The following BRINP2 variants were observed in gnomAD, a reference collection of about 807,000 sequenced individuals.
BRINP2 encodes the protein BMP/retinoic acid-inducible neural-specific protein 2.
A neutral mutation model predicts 69.2 loss-of-function variants in BRINP2; 21 were observed. That is an observed-to-expected ratio of 0.30 (90% confidence interval 0.22 to 0.44). The LOEUF (loss-of-function observed/expected upper bound fraction) is 0.44, where lower values mean the gene tolerates loss of function less well. Among genes scored for constraint, BRINP2 ranks in the 20% least tolerant of loss-of-function variants. The pLI is 1.00. For synonymous variants in BRINP2, 380 were observed against 394.1 expected, an observed-to-expected ratio of 0.96 and a Z score of 0.42; for missense variants, 877 against 986.0, an observed-to-expected ratio of 0.89 and a Z score of 1.48.
chr1:177,237,433 A>G (rs1211086105), intron 2 of BRINP2, among the ~76,000 whole-genome samples: 2 of 152,218 alleles, frequency 1.3e-5, no homozygotes, highest in African/African-American at 4.8e-5. Context: ...GATTTGGTCT[A>G]TGGATGCTGT....
At chr1:177,241,060 C>G (rs1054040394) in intron 2 of BRINP2, among the ~76,000 whole-genome samples, 1 of 152,112 alleles carries the variant, frequency 6.6e-6, no homozygotes, top group Non-Finnish European at 1.5e-5. Context: ...TAAACTCCGC[C>G]TCCCGGGTTC....
Position 177,171,330 on chromosome 1 carries a change from A to C in BRINP2, c.-479A>C, listed in dbSNP as rs946248001. Among the ~76,000 whole-genome samples the C allele has an allele frequency of 1.3e-5, 2 of 152,126 alleles. No individual in the cohort carries two copies. The highest frequency in any genetic ancestry group is 4.8e-5 in the African/African-American group (2 of 41,432). On this transcript the variant is annotated 5_prime_UTR_variant, in exon 1 of 8. Coordinates refer to ENST00000361539, the MANE Select transcript of BRINP2 (RefSeq NM_021165.4). ...GGGGACTCCCCCAGTTGGGTCTTGCACTTCCCTTACCTCTCCCACCCCGCG... is the reference window on the plus strand; with the variant it reads ...GGGGACTCCCCCAGTTGGGTCTTGCCCTTCCCTTACCTCTCCCACCCCGCG...
At chr1:177,209,794 CATA>C (rs1310801654) in intron 1 of BRINP2, among the ~76,000 whole-genome samples, 4 of 152,016 alleles carry the variant, frequency 2.6e-5, no homozygotes, top group Admixed American at 6.5e-5. Flanking sequence ...AAAGAGTATT[CATA>C]ATACCTTGTT....
chr1:177,203,828 T>G (rs1157585074), intron 1 of BRINP2, among the ~76,000 whole-genome samples: 1 of 152,176 alleles, frequency 6.6e-6, no homozygotes, highest in East Asian at 1.9e-4. Context: ...CAAACAAATA[T>G]GTACAATCAT....
rs571299930 is a variant in BRINP2, at chr1:177,256,123, C to T, written c.460+14C>T. 13 of 1,611,302 alleles carry T rather than the reference C, an allele frequency of 8.1e-6. No individual in the cohort carries two copies. The highest frequency in any genetic ancestry group is 1.7e-4 in the Middle Eastern group (1 of 6,052). On this transcript the variant is annotated intron_variant, in intron 3 of 7. Transcript: ENST00000361539. ...CCACCCTTGGAGGTAAGCAACATCA[C>T]AATCCCAAGCTAATTGGTTGCCAGA...
rs80236193 is a variant in BRINP2 at position 177,193,224 on chromosome 1, G to A, written c.-77+21492G>A. The stretch of plus-strand genomic sequence containing the variant: ...TATTTCACCTACCCTACAGTCAGAA[G>A]CCACGAGCATGTGATGGGTGAAGGG... On this transcript the variant is annotated intron_variant, in intron 1 of 7. Transcript: ENST00000361539. 1.2e-3 allele frequency among the ~76,000 whole-genome samples: 187 copies of A among 152,298 alleles called. 1 individual carries two copies. The highest frequency in any genetic ancestry group is 3.4e-3 in the Middle Eastern group (1 of 294).
rs770852184 is a variant in BRINP2, at chr1:177,273,517, C to A, written c.699C>A (p.Gly233=). 1.9e-6 allele frequency: 3 copies of A among 1,611,362 alleles called. No homozygotes were observed. The highest frequency in any genetic ancestry group is 2.5e-6 in the Non-Finnish European group (3 of 1,178,656). The change falls in exon 5 of 8, where the codon GGC becomes GGA. Residue 233 remains glycine, a synonymous_variant. Transcript: ENST00000361539. ...KVTETRTGPL[G]CSNYDNLDSV... ...CCGAGACCAGGACCGGTCCTCTGGG[C>A]TGCAGCAACTATGACAATCTGGACT...
At chr1:177,189,546 T>G (rs1344686553) in intron 1 of BRINP2, among the ~76,000 whole-genome samples, 1 of 152,172 alleles carries the variant, frequency 6.6e-6, no homozygotes, top group Non-Finnish European at 1.5e-5. Flanking sequence ...TTGTTACAGA[T>G]CCAAACAATC....
Position 177,281,010 on chromosome 1 carries a change from G to C in BRINP2, c.1834G>C (p.Asp612His), listed in dbSNP as rs760459965. The change falls in exon 8 of 8, where the codon GAC becomes CAC. Residue 612 changes from aspartate (D) to histidine (H), a missense_variant. Asp to His is a moderately conservative substitution (Grantham distance 81, BLOSUM62 -1). Coordinates refer to ENST00000361539, the MANE Select transcript of BRINP2 (RefSeq NM_021165.4). ...FMPVNEGSFPDWERTNVDAAA... is the reference protein window; with the variant it reads ...FMPVNEGSFPHWERTNVDAAA... ...GCCTGTGAATGAGGGCAGCTTTCCT[G>C]ACTGGGAAAGGACTAACGTGGATGC... 6.2e-7 allele frequency: 1 copy of C among 1,614,168 alleles called. No homozygotes were observed. The highest frequency in any genetic ancestry group is 8.5e-7 in the Non-Finnish European group (1 of 1,180,020).
intron 1 of BRINP2, among the ~76,000 whole-genome samples, chr1:177,200,163 A>C (rs1389196136): frequency 2.0e-5 from 3 of 151,688 alleles, no homozygotes; most frequent in Non-Finnish European, 4.4e-5. Context: ...GTGGTGGTAC[A>C]TGCCTGTGAT....
intron 1 of BRINP2, among the ~76,000 whole-genome samples, chr1:177,203,986 C>A (rs945872009): frequency 6.6e-6 from 1 of 152,142 alleles, no homozygotes; most frequent in Non-Finnish European, 1.5e-5. Flanking sequence ...AGGGGACAGA[C>A]CCCGCATAGG....
At position 177,229,689 on chromosome 1, in the gene BRINP2, T is replaced by C. The variant is rs960502272; in HGVS notation, c.-76-112T>C. 1.6e-5 allele frequency: 11 copies of C among 703,434 alleles called. No individual in the cohort carries two copies. The South Asian group carries it at 2.4e-4, about 15-fold the overall frequency. 43.6% of individuals were successfully genotyped at this position (703,434 alleles called of 1,614,324 possible). A position where few individuals can be genotyped will look rare whatever the true frequency, so the allele number is the denominator to read the frequency against. The stretch of plus-strand genomic sequence containing the variant: ...TAGCTAAATGCCGAGAACGAAGTTA[T>C]GTTACTAGCATAAAGGATTTCCGGA... On this transcript the variant is annotated intron_variant, in intron 1 of 7. Coordinates refer to ENST00000361539, the MANE Select transcript of BRINP2 (RefSeq NM_021165.4).
rs1165986331 is a variant in BRINP2, at chr1:177,278,859, C to T, written c.1235+74C>T. 4.1e-6 allele frequency: 6 copies of T among 1,452,974 alleles called. No homozygotes were observed. In the African/African-American group the frequency reaches 4.2e-5, roughly 10 times the overall value. 90.0% of individuals were successfully genotyped at this position (1,452,974 alleles called of 1,614,324 possible). A position where few individuals can be genotyped will look rare whatever the true frequency, so the allele number is the denominator to read the frequency against. On this transcript the variant is annotated intron_variant, in intron 7 of 7. Transcript: ENST00000361539. ...AGCTGCTGAGGCCAAGGAGAACCCTCTGTCCAATGTAGGGGATCAGGGAGT... is the reference window on the plus strand; with the variant it reads ...AGCTGCTGAGGCCAAGGAGAACCCTTTGTCCAATGTAGGGGATCAGGGAGT...
intron 1 of BRINP2, among the ~76,000 whole-genome samples, chr1:177,215,944 C>T (rs1035187892): frequency 1.3e-5 from 2 of 152,040 alleles, no homozygotes; most frequent in African/African-American, 4.8e-5. Context: ...ATCACTGCCC[C>T]TTCTGTCCAA....
At chr1:177,241,838 C>T (rs1051625872) in intron 2 of BRINP2, among the ~76,000 whole-genome samples, 1 of 152,202 alleles carries the variant, frequency 6.6e-6, no homozygotes, top group African/African-American at 2.4e-5. Flanking sequence ...CACCTCAGGA[C>T]ACAGGGTGAC....
At chr1:177,242,513 T>A (rs1243523603) in intron 2 of BRINP2, among the ~76,000 whole-genome samples, 1 of 152,150 alleles carries the variant, frequency 6.6e-6, no homozygotes, top group African/African-American at 2.4e-5. Flanking sequence ...CAAAAGCTCT[T>A]TATCTCCTCT....
In BRINP2 at chr1:177,281,898, A is replaced by G. The variant is rs565979661; in HGVS notation, c.*370A>G. 3 of 171,722 alleles carry G rather than the reference A, an allele frequency of 1.7e-5. No individual in the cohort carries two copies. Among genetic ancestry groups the G allele is most frequent in the African/African-American group, 7.1e-5 (3 of 42,208 alleles). 10.6% of individuals were successfully genotyped at this position (171,722 alleles called of 1,614,324 possible). On this transcript the variant is annotated 3_prime_UTR_variant, in exon 8 of 8. Coordinates refer to ENST00000361539, the MANE Select transcript of BRINP2 (RefSeq NM_021165.4). ...AAAAATCCTAAAAGTGATTCTTGTC[A>G]TTCAAGAAAGCAAGAGGGGACAACA... is the stretch of plus-strand genomic sequence containing the variant.
intron 2 of BRINP2, among the ~76,000 whole-genome samples, chr1:177,238,106 G>A (rs780551709): frequency 6.6e-6 from 1 of 152,168 alleles, no homozygotes; most frequent in Non-Finnish European, 1.5e-5. Context: ...CTCTACAAGG[G>A]CTGGGGACAG....
At chr1:177,193,315 C>A (rs1648645506) in intron 1 of BRINP2, among the ~76,000 whole-genome samples, 1 of 152,108 alleles carries the variant, frequency 6.6e-6, no homozygotes, top group Non-Finnish European at 1.5e-5. Context: ...ATAATAAATG[C>A]CTGCATTTGA....
Sources: gnomAD v4.1 joint callset for allele counts (sites outside exome capture counted in the v4.1 genomes callset) on GRCh38, gnomAD v4.1.1 for gene constraint, MANE v1.5 for transcripts, NCBI Gene and HGNC (gene_info 2026-07-23, HGNC 2026-07-21) for gene names.